Variants in COMMD2 observed in about 807,000 individuals in gnomAD.
COMMD2 encodes COMM domain-containing protein 2.
A neutral mutation model predicts 22.5 loss-of-function variants in COMMD2; 25 were observed. The observed-to-expected ratio is 1.11, with a 90% CI of 0.81 to 1.55. COMMD2 has a LOEUF of 1.55. Among genes scored for constraint, COMMD2 ranks in the 40% most tolerant of loss-of-function variants. The pLI is 0.00. For missense variants in COMMD2, 223 were observed against 232.9 expected (o/e 0.96, Z 0.28); for synonymous variants, 98 against 91.2 (o/e 1.07, Z -0.42).
rs1201702279 is a variant in COMMD2 at position 149,740,090 on chromosome 3, T to G, written c.*1431A>C. The G allele has an allele frequency of 6.6e-6, 1 of 152,212 alleles. No homozygotes were observed. Among genetic ancestry groups the G allele is most frequent in the Non-Finnish European group, 1.5e-5 (1 of 68,034 alleles). The allele number at this position is 152,212 out of a possible 1,614,324, so 9.4% of individuals were successfully genotyped here. On this transcript the variant is annotated 3_prime_UTR_variant, in exon 5 of 5. Transcript: ENST00000473414. ...GATTGCTTCTACAGCCCTTTCTAGATTATTCCATGAAGACTCTCAGGATAA... is the reference window on the plus strand; with the variant it reads ...GATTGCTTCTACAGCCCTTTCTAGAGTATTCCATGAAGACTCTCAGGATAA...
intron 1 of COMMD2, 34 bp from the exon 2 acceptor site, chr3:149,752,321 G>A: frequency 6.2e-7 from 1 of 1,613,840 alleles, no homozygotes; most frequent in South Asian, 1.1e-5. Context: ...TTGAGTGCCA[G>A]GCGCTGCCTT....
chr3:149,749,102 C>T (rs1457581254), intron 4 of COMMD2, among the ~76,000 whole-genome samples: 2 of 151,932 alleles, frequency 1.3e-5, no homozygotes, highest in Admixed American at 6.6e-5. Context: ...GCAACCTCGA[C>T]CTCCCGGGTT....
chr3:149,752,452 G>A lies in COMMD2; in HGVS notation c.-8C>T, dbSNP rs200287559. 598 of 1,611,814 alleles carry A rather than the reference G, an allele frequency of 3.7e-4. No individual in the cohort carries two copies. The African/African-American group carries it at 4.9e-3, about 13-fold the overall frequency. ...GGACAATTCCAGCAGCATCTTCACT[G>A]TCCTACGATTTCACCCGGCAGCGCC... On this transcript the variant is annotated 5_prime_UTR_variant, in exon 1 of 5. Coordinates refer to ENST00000473414, the MANE Select transcript of COMMD2 (RefSeq NM_016094.4).
intron 4 of COMMD2, among the ~76,000 whole-genome samples, chr3:149,744,928 G>T (rs1345289707): frequency 6.6e-6 from 1 of 152,086 alleles, no homozygotes; most frequent in East Asian, 1.9e-4. Flanking sequence ...ATGAGCCCTC[G>T]AGTTTAATTT....
At position 149,744,571 on chromosome 3, in the gene COMMD2, A is replaced by T. The variant is rs115177416; in HGVS notation, c.403-2853T>A. ...CTATGATGATTAATTTGATTCCCATAAACAACTGCATAATAATTAGGTGGT... is the reference window on the plus strand; with the variant it reads ...CTATGATGATTAATTTGATTCCCATTAACAACTGCATAATAATTAGGTGGT... On this transcript the variant is annotated intron_variant, in intron 4 of 4. Transcript: ENST00000473414. Among the ~76,000 whole-genome samples the T allele has an allele frequency of 4.2e-3, 641 of 152,322 alleles. 6 individuals are homozygous for T. The highest frequency in any genetic ancestry group is 0.015 in the African/African-American group (616 of 41,566).
rs1323693093 is a variant in COMMD2 at position 149,740,984 on chromosome 3, CAAG to C, written c.*534_*536del. 2.6e-5 allele frequency: 4 copies of C among 152,610 alleles called. No individual in the cohort carries two copies. The highest frequency in any genetic ancestry group is 9.7e-5 in the African/African-American group (4 of 41,428). The allele number at this position is 152,610 out of a possible 1,614,324, so 9.5% of individuals were successfully genotyped here. ...AAATACAAAATACATCTTAATGTGT[CAAG>C]AAGACCACAGTTAGCACCAGGAAAG... On this transcript the variant is annotated 3_prime_UTR_variant, in exon 5 of 5. Coordinates refer to ENST00000473414, the MANE Select transcript of COMMD2 (RefSeq NM_016094.4).
chr3:149,748,733 C>A (rs569938501), intron 4 of COMMD2, among the ~76,000 whole-genome samples: 1 of 152,210 alleles, frequency 6.6e-6, no homozygotes, highest in Non-Finnish European at 1.5e-5. Flanking sequence ...AACAAAGGAG[C>A]GTGACTGTGT....
At chr3:149,743,589 G>A (rs770556922) in intron 4 of COMMD2, among the ~76,000 whole-genome samples, 3 of 152,276 alleles carry the variant, frequency 2.0e-5, no homozygotes, top group Non-Finnish European at 4.4e-5. Flanking sequence ...CTGATCCAAG[G>A]CTGAAATTTA....
In COMMD2 at chr3:149,741,148, C is replaced by T; in HGVS notation, c.*373G>A. 1 of 169,484 alleles carries T rather than the reference C, an allele frequency of 5.9e-6. No homozygotes were observed. Among genetic ancestry groups the T allele is most frequent in the Non-Finnish European group, 1.3e-5 (1 of 77,506 alleles). The allele number at this position is 169,484 out of a possible 1,614,324, so 10.5% of individuals were successfully genotyped here. A position where few individuals can be genotyped will look rare whatever the true frequency, so the allele number is the denominator to read the frequency against. ...GCACAATCTCAGCTCACTGCAACCT[C>T]CACCTCCCAGGTTCAAGCGATTCTC... On this transcript the variant is annotated 3_prime_UTR_variant, in exon 5 of 5. Coordinates refer to ENST00000473414, the MANE Select transcript of COMMD2 (RefSeq NM_016094.4).
chr3:149,742,314 A>G (rs577766293), intron 4 of COMMD2, among the ~76,000 whole-genome samples: 5 of 152,354 alleles, frequency 3.3e-5, no homozygotes, highest in Non-Finnish European at 7.4e-5. Flanking sequence ...AAGTGGCAGT[A>G]ATGGGAACTC....
chr3:149,744,072 A>C (rs1716303425), intron 4 of COMMD2, among the ~76,000 whole-genome samples: 1 of 152,240 alleles, frequency 6.6e-6, no homozygotes, highest in African/African-American at 2.4e-5. Flanking sequence ...GACAAAGAAC[A>C]GTAGCCCACA....
chr3:149,751,338 T>C (rs779214946), intron 3 of COMMD2, 65 bp downstream of exon 3: 2 of 1,611,440 alleles, frequency 1.2e-6, no homozygotes, highest in East Asian at 2.2e-5. Context: ...AGGACTATGA[T>C]GTAGAGTACA....
Position 149,741,021 on chromosome 3 carries a change from C to G in COMMD2, c.*500G>C, listed in dbSNP as rs1211884449. On this transcript the variant is annotated 3_prime_UTR_variant, in exon 5 of 5. Transcript: ENST00000473414. ...AGTTAGCACCAGGAAAGGAACTTTA[C>G]TTTAGCTTCTGATTACTTTTTTATT... 6.6e-6 allele frequency: 1 copy of G among 152,416 alleles called. No homozygotes were observed. The highest frequency in any genetic ancestry group is 6.6e-5 in the Admixed American group (1 of 15,254). The allele number at this position is 152,416 out of a possible 1,614,324, so 9.4% of individuals were successfully genotyped here.
rs761381804 is a variant in COMMD2 at position 149,752,262 on chromosome 3, A to G, written c.93T>C (p.Ala31=). Residue 31 remains alanine (A), a synonymous_variant, in exon 2 of 5, where the codon GCT becomes GCC. Coordinates refer to ENST00000473414, the MANE Select transcript of COMMD2 (RefSeq NM_016094.4). ...TTGCGCCGCGTCTCAGGAATTCCAC[A>G]GCAATCCGCCCAAACTCGGCGACCA... The part of the protein sequence containing the change: ...SAVVAEFGRI[A]VEFLRRGANP... 2.5e-6 allele frequency: 4 copies of G among 1,614,028 alleles called. No individual in the cohort carries two copies. The South Asian group carries it at 4.4e-5, about 18-fold the overall frequency.
chr3:149,742,367 C>T (rs7614296), intron 4 of COMMD2, among the ~76,000 whole-genome samples: 13,769 of 152,172 alleles, frequency 0.09, 1,418 homozygotes, highest in African/African-American at 0.24. Flanking sequence ...CTTTGGAAAA[C>T]AATGTGCATT....
intron 4 of COMMD2, among the ~76,000 whole-genome samples, chr3:149,749,018 C>CTT (rs776015779): frequency 7.6e-5 from 11 of 145,168 alleles, no homozygotes; most frequent in Admixed American, 1.4e-4. Context: ...GTCTCTCTCT[C>CTT]TTTTTTTTTT....
intron 4 of COMMD2, among the ~76,000 whole-genome samples, chr3:149,746,700 A>G (rs1178450677): frequency 1.3e-5 from 2 of 151,998 alleles, no homozygotes; most frequent in Non-Finnish European, 2.9e-5. Flanking sequence ...GGAGAATGGC[A>G]TGACCCTGGG....
chr3:149,748,797 G>A (rs568712293), intron 4 of COMMD2, among the ~76,000 whole-genome samples: 3 of 152,310 alleles, frequency 2.0e-5, no homozygotes, highest in African/African-American at 7.2e-5. Flanking sequence ...TGGCCCACAG[G>A]CCATAGTTTT....
At chr3:149,742,094 C>G (rs559191620) in intron 4 of COMMD2, among the ~76,000 whole-genome samples, 1 of 151,890 alleles carries the variant, frequency 6.6e-6, no homozygotes, top group Non-Finnish European at 1.5e-5. Context: ...AATGTGTGAA[C>G]TCCTCTGATT....
Sources: gnomAD v4.1 joint callset for allele counts (sites outside exome capture counted in the v4.1 genomes callset) on GRCh38, gnomAD v4.1.1 for gene constraint, MANE v1.5 for transcripts, NCBI Gene and HGNC (gene_info 2026-07-23, HGNC 2026-07-21) for gene names.